GON4L: variants seen among roughly 807,000 people sequenced by gnomAD.
GON4L encodes the protein gon-4 like, also known as GON-4-like protein.
GON4L carries 87 observed loss-of-function variants against 211.8 expected under a neutral mutation model. That is an observed-to-expected ratio of 0.41 (90% CI 0.35 to 0.49). The LOEUF (loss-of-function observed/expected upper bound fraction) is 0.49. Ranked by LOEUF, GON4L falls within the 20% of genes least tolerant of loss-of-function variation. GON4L has a pLI of 0.15. For missense variants in GON4L, 2,155 were observed against 2,659.5 expected (o/e 0.81, Z 4.17); for synonymous variants, 875 against 962.6 (o/e 0.91, Z 1.68).
chr1:155,776,696 G>A (rs1223372337), intron 15 of GON4L, among the ~76,000 whole-genome samples: 2 of 152,100 alleles, frequency 1.3e-5, no homozygotes, highest in East Asian at 3.9e-4. Flanking sequence ...GACCACAGAT[G>A]CATGGCACCA....
At chr1:155,764,527 T>C (rs1329118782) in intron 21 of GON4L, 2 of 307,688 alleles carry the variant, frequency 6.5e-6, no homozygotes, top group East Asian at 8.4e-5. Context: ...GCAACCTCTG[T>C]CTCTCGGGCT....
Position 155,853,468 on chromosome 1 carries a change from G to C in GON4L, c.313C>G (p.Leu105Val). ...VDVAISQGIT[L>V]PSLESFHPLN... Reference sequence around the variant, plus strand: ...GGGTGAAAAGACTCCAAGGAAGGTAGGGTGATTCCCTGAGAGATGGCCACA... The same window carrying C: ...GGGTGAAAAGACTCCAAGGAAGGTACGGTGATTCCCTGAGAGATGGCCACA... The change falls in exon 2 of 32, where the codon CTA becomes GTA. Residue 105 changes from leucine to valine, a missense_variant. Around this residue, in one of 6 missense-constraint regions of GON4L, gnomAD observed 313 missense variants for 293.2 expected, o/e 1.07. Transcript: ENST00000368331. The C allele has an allele frequency of 6.2e-7, 1 of 1,613,904 alleles. No individual in the cohort carries two copies. The highest frequency in any genetic ancestry group is 8.5e-7 in the Non-Finnish European group (1 of 1,179,788).
At chr1:155,781,526 G>C (rs1292641413) in intron 14 of GON4L, among the ~76,000 whole-genome samples, 1 of 151,984 alleles carries the variant, frequency 6.6e-6, no homozygotes, top group Non-Finnish European at 1.5e-5. Context: ...GCAGTGGCAT[G>C]ATCTTGGCTC....
chr1:155,766,661 C>T lies in GON4L; in HGVS notation c.2812G>A (p.Ala938Thr). The change falls in exon 21 of 32, where the codon GCT (alanine) becomes ACT (threonine). Residue 938 changes from alanine to threonine, a missense_variant. Coordinates refer to ENST00000368331, the MANE Select transcript of GON4L (RefSeq NM_001282860.2). ...QEELRHMADGAREVGNMTGTT... is the reference protein window; with the variant it reads ...QEELRHMADGTREVGNMTGTT... ...CCAGTCATATTTCCTACCTCTCTAGCACCATCAGCCATGTGCCGCAGTTCT... is the reference window on the plus strand; with the variant it reads ...CCAGTCATATTTCCTACCTCTCTAGTACCATCAGCCATGTGCCGCAGTTCT... 1.2e-6 allele frequency: 2 copies of T among 1,614,190 alleles called. No individual in the cohort carries two copies. Among genetic ancestry groups the T allele is most frequent in the Non-Finnish European group, 1.7e-6 (2 of 1,180,036 alleles).
chr1:155,820,804 G>A (rs946809680), intron 5 of GON4L, 148 bp from the exon 6 acceptor site: 4 of 663,848 alleles, frequency 6.0e-6, no homozygotes, highest in African/African-American at 1.8e-5. Context: ...AACAGAGTGA[G>A]ACACCCTCCC....
intron 2 of GON4L, among the ~76,000 whole-genome samples, chr1:155,843,184 C>T (rs1446866134): frequency 6.6e-6 from 1 of 152,176 alleles, no homozygotes; most frequent in Admixed American, 6.5e-5. Flanking sequence ...ACTCAGTTGT[C>T]CCTGTTCTTC....
chr1:155,759,140 G>T (rs533537014), intron 24 of GON4L, among the ~76,000 whole-genome samples: 7 of 152,130 alleles, frequency 4.6e-5, no homozygotes, highest in African/African-American at 1.7e-4. Context: ...GGGACCAAAG[G>T]TGTGCACCAC....
At chr1:155,753,151 G>A in intron 29 of GON4L, 53 bp downstream of exon 29, 1 of 1,345,770 alleles carries the variant, frequency 7.4e-7, no homozygotes, top group Non-Finnish European at 1.1e-6. Flanking sequence ...CCTGTCTGGA[G>A]TACAGGATAA....
chr1:155,760,469 G>C lies in GON4L; in HGVS notation c.5084C>G (p.Pro1695Arg). 6.2e-7 allele frequency: 1 copy of C among 1,611,456 alleles called. No individual in the cohort carries two copies. The part of the protein sequence containing the change: ...LLKDFAAFLL[P>R]EQALACGLFE... ...TAATCCACAGGCCAGAGCTTGCTCA[G>C]GTAACAGGAAAGCAGCAAAGTCTTT... is the stretch of plus-strand genomic sequence containing the variant. Residue 1695 changes from proline to arginine, a missense_variant, in exon 24 of 32, where the codon CCT becomes CGT. Around this residue, in one of 6 missense-constraint regions of GON4L, gnomAD observed 455 missense variants for 504.6 expected, o/e 0.90. Coordinates refer to ENST00000368331, the MANE Select transcript of GON4L (RefSeq NM_001282860.2).
At chr1:155,804,393 C>T (rs1438093511) in intron 11 of GON4L, among the ~76,000 whole-genome samples, 1 of 151,964 alleles carries the variant, frequency 6.6e-6, no homozygotes, top group Admixed American at 6.6e-5. Flanking sequence ...AAACAAAAGA[C>T]AACAACAAAA....
chr1:155,835,922 G>A (rs1016250289), intron 2 of GON4L, among the ~76,000 whole-genome samples: 1 of 152,210 alleles, frequency 6.6e-6, no homozygotes, highest in Non-Finnish European at 1.5e-5. Context: ...AAAAGGAACT[G>A]AGGGAGACCT....
chr1:155,859,415 C>A, upstream of GON4L: 1 of 221,304 alleles, frequency 4.5e-6, no homozygotes, highest in Non-Finnish European at 9.1e-6. Flanking sequence ...CTGAAGGGGG[C>A]GAGGGCTGAC....
intron 24 of GON4L, among the ~76,000 whole-genome samples, chr1:155,758,560 C>T (rs1006517012): frequency 2.0e-5 from 3 of 152,152 alleles, no homozygotes; most frequent in Admixed American, 2.0e-4. Flanking sequence ...TCCCAGGGGC[C>T]TGTGTTGTCC....
chr1:155,758,546 A>T (rs1026661967), intron 24 of GON4L, among the ~76,000 whole-genome samples: 2 of 152,166 alleles, frequency 1.3e-5, no homozygotes, highest in African/African-American at 4.8e-5. Context: ...CTGAGGCAGG[A>T]GGATCCCAGG....
At chr1:155,814,470 G>A (rs202047469) in intron 8 of GON4L, 21 bp from the exon 9 acceptor site, 57 of 1,611,656 alleles carry the variant, frequency 3.5e-5, no homozygotes, top group Admixed American at 1.0e-4. Flanking sequence ...AATCCAGTTC[G>A]CCTTAATATT....
chr1:155,801,988 C>G (rs148338318), intron 11 of GON4L, among the ~76,000 whole-genome samples: 1 of 152,130 alleles, frequency 6.6e-6, no homozygotes, highest in East Asian at 1.9e-4. Context: ...ACTGGGATTA[C>G]AGGCATGAGC....
At chr1:155,849,666 C>T (rs1454533646) in intron 2 of GON4L, among the ~76,000 whole-genome samples, 2 of 148,656 alleles carry the variant, frequency 1.3e-5, no homozygotes, top group African/African-American at 2.5e-5. Context: ...CCCAGCTACT[C>T]GGGAGGCTAC....
chr1:155,834,838 A>G (rs4581273), intron 2 of GON4L, among the ~76,000 whole-genome samples: 141,349 of 151,074 alleles, frequency 0.94, 66,879 homozygotes, highest in Non-Finnish European at 1. Context: ...GCCTCTGCCC[A>G]GCTGCCCCTA....
intron 2 of GON4L, among the ~76,000 whole-genome samples, chr1:155,851,052 C>CAA (rs55815558): frequency 0.015 from 1,200 of 78,060 alleles, 41 homozygotes; most frequent in Middle Eastern, 0.028. Context: ...GACTCCACCT[C>CAA]AAAAAAAAAA....
Sources: gnomAD v4.1 joint callset for allele counts (sites outside exome capture counted in the v4.1 genomes callset) on GRCh38, gnomAD v4.1.1 for gene constraint, gnomAD v4.1.1 regional missense constraint, MANE v1.5 for transcripts, NCBI Gene and HGNC (gene_info 2026-07-23, HGNC 2026-07-21) for gene names.